Variants in MEGF11 observed in about 807,000 individuals in gnomAD.
The protein encoded by MEGF11 is multiple EGF like domains 11, also known as multiple epidermal growth factor-like domains protein 11.
MEGF11 carries 126 observed loss-of-function variants against 146.6 expected under a neutral mutation model. The ratio of observed to expected loss-of-function variants is 0.86; its 90% CI spans 0.74 to 1.00. The LOEUF is 1.00. Among genes scored for constraint, MEGF11 ranks in the 50% least tolerant of loss-of-function variants. The pLI is 0.00. For missense variants in MEGF11, 1,509 were observed against 1,521.2 expected, an observed-to-expected ratio of 0.99 and a Z score of 0.13; for synonymous variants, 532 against 583.4, an observed-to-expected ratio of 0.91 and a Z score of 1.27.
In MEGF11 at chr15:66,094,414, C is replaced by T. The variant is rs151330198; in HGVS notation, c.382G>A (p.Asp128Asn). The change falls in exon 5 of 26, where the codon GAC becomes AAC. Residue 128 changes from aspartate (D) to asparagine (N), a missense_variant. Transcript: ENST00000395614. Reference protein sequence around the residue: ...CHCEPGWGGPDCSSGCDSDHW... With the variant: ...CHCEPGWGGPNCSSGCDSDHW... ...ACCCCAGACTCACCGCTGGAGCAGT[C>T]GGGCCCTCCCCAGCCAGGCTCGCAG... The T allele has an allele frequency of 2.8e-5, 44 of 1,558,262 alleles. No homozygotes were observed. The highest frequency in any genetic ancestry group is 5.4e-5 in the African/African-American group (4 of 73,490).
intron 5 of MEGF11, among the ~76,000 whole-genome samples, chr15:66,035,161 C>T (rs1191645996): frequency 6.6e-6 from 1 of 152,124 alleles, no homozygotes; most frequent in Non-Finnish European, 1.5e-5. Context: ...AGCTGAGGTA[C>T]CCAGAGTATG....
intron 5 of MEGF11, among the ~76,000 whole-genome samples, chr15:66,093,461 C>T (rs1252411063): frequency 6.6e-6 from 1 of 152,122 alleles, no homozygotes; most frequent in East Asian, 1.9e-4. Context: ...CCAAGATGGG[C>T]GAATAATCGG....
rs1330612650 is a variant in MEGF11 at position 66,018,630 on chromosome 15, A to T, written c.395-36142T>A. ...GTGCAAGCTGGTGAGCGCATGTGTG[A>T]GTGTGTGCGAGCGGGTGCCTGCCTA... On this transcript the variant is annotated intron_variant, in intron 5 of 25. Coordinates refer to ENST00000395614, the MANE Select transcript of MEGF11 (RefSeq NM_001385028.1). 3.3e-5 allele frequency among the ~76,000 whole-genome samples: 5 copies of T among 151,940 alleles called. No homozygotes were observed. In the East Asian group the frequency reaches 7.8e-4, roughly 24 times the overall value.
At chr15:65,917,406 T>TCC (rs2079036859) in intron 16 of MEGF11, among the ~76,000 whole-genome samples, 1 of 152,104 alleles carries the variant, frequency 6.6e-6, no homozygotes, top group African/African-American at 2.4e-5. Context: ...CCCTCAGCCA[T>TCC]CTAACTAGGA....
At chr15:65,977,477 C>CTTT (rs1180788795) in intron 7 of MEGF11, among the ~76,000 whole-genome samples, 7 of 130,356 alleles carry the variant, frequency 5.4e-5, no homozygotes, top group African/African-American at 8.5e-5. Context: ...CTCTCTCCCT[C>CTTT]TTTTTTTTTT....
chr15:65,937,316 T>C (rs1467950891), intron 10 of MEGF11, among the ~76,000 whole-genome samples: 1 of 152,212 alleles, frequency 6.6e-6, no homozygotes, highest in Non-Finnish European at 1.5e-5. Context: ...TGGCATGTCA[T>C]GTGCTTTGCT....
intron 5 of MEGF11, among the ~76,000 whole-genome samples, chr15:66,028,960 TTAGA>T (rs2083426798): frequency 6.6e-6 from 1 of 152,174 alleles, no homozygotes; most frequent in Non-Finnish European, 1.5e-5. Flanking sequence ...AATGCAAAAG[TTAGA>T]TAGCCAAATA....
intron 1 of MEGF11, among the ~76,000 whole-genome samples, chr15:66,196,398 G>A (rs910811350): frequency 6.6e-6 from 1 of 152,210 alleles, no homozygotes; most frequent in Non-Finnish European, 1.5e-5. Flanking sequence ...CTTGAACCCA[G>A]GAGGTAGAGG....
chr15:66,169,965 A>G (rs752400993), intron 1 of MEGF11, among the ~76,000 whole-genome samples: 46 of 152,160 alleles, frequency 3.0e-4, no homozygotes, highest in Non-Finnish European at 6.0e-4. Flanking sequence ...GTCCTTCTGC[A>G]CAATTTATTT....
At chr15:66,204,300 A>G (rs1430582487) in intron 1 of MEGF11, among the ~76,000 whole-genome samples, 1 of 151,504 alleles carries the variant, frequency 6.6e-6, no homozygotes, top group Admixed American at 6.6e-5. Flanking sequence ...TACTCAGAAG[A>G]CTGAGGTGAA....
intron 19 of MEGF11, chr15:65,914,193 G>T (rs576760549): frequency 6.8e-5 from 39 of 569,880 alleles, no homozygotes; most frequent in African/African-American, 3.2e-4. Flanking sequence ...AATTGTGACT[G>T]TCGATGTGAA....
chr15:66,047,740 G>C (rs1205160126), intron 5 of MEGF11, among the ~76,000 whole-genome samples: 1 of 152,214 alleles, frequency 6.6e-6, no homozygotes, highest in Non-Finnish European at 1.5e-5. Flanking sequence ...GTGGGCCTGG[G>C]GGAGTCTGGG....
chr15:66,153,573 A>AAAAAAG (rs142421151), intron 1 of MEGF11, among the ~76,000 whole-genome samples: 3 of 151,402 alleles, frequency 2.0e-5, no homozygotes, highest in African/African-American at 7.3e-5. Flanking sequence ...ACTCCATCTC[A>AAAAAAG]AAAAAGAAAA....
intron 5 of MEGF11, among the ~76,000 whole-genome samples, chr15:66,010,618 C>G (rs2082681595): frequency 6.6e-6 from 1 of 152,178 alleles, no homozygotes; most frequent in African/African-American, 2.4e-5. Context: ...CAGGGTTTGT[C>G]ACAAGTGATT....
intron 5 of MEGF11, among the ~76,000 whole-genome samples, chr15:65,992,426 C>T (rs1356758184): frequency 7.8e-6 from 1 of 128,746 alleles, no homozygotes; most frequent in African/African-American, 3.0e-5. Flanking sequence ...CAAACAACCC[C>T]GTTTGTGCCT....
At chr15:66,060,496 C>T (rs1170773734) in intron 5 of MEGF11, among the ~76,000 whole-genome samples, 1 of 152,236 alleles carries the variant, frequency 6.6e-6, no homozygotes. Context: ...GCAGAAGCCT[C>T]CGAGGGATGT....
chr15:66,252,505 G>T (rs1022117972), intron 1 of MEGF11, among the ~76,000 whole-genome samples: 39 of 152,096 alleles, frequency 2.6e-4, no homozygotes, highest in Admixed American at 9.8e-4. Flanking sequence ...CTCGCAGCGC[G>T]GGCTGCGGGG....
chr15:66,097,662 G>A (rs1483825386), intron 4 of MEGF11, among the ~76,000 whole-genome samples: 2 of 150,258 alleles, frequency 1.3e-5, no homozygotes, highest in East Asian at 2.0e-4. Context: ...CAAGAAATAT[G>A]AACTGCACTC....
At chr15:65,946,185 C>A (rs1389892121) in intron 10 of MEGF11, among the ~76,000 whole-genome samples, 1 of 152,182 alleles carries the variant, frequency 6.6e-6, no homozygotes, top group East Asian at 1.9e-4. Context: ...TATGATTTAC[C>A]TACTCTGTGC....
Sources: allele counts gnomAD v4.1 joint callset (sites outside exome capture counted in the v4.1 genomes callset), GRCh38; gene constraint gnomAD v4.1.1; transcripts MANE v1.5; gene names NCBI Gene and HGNC (gene_info 2026-07-23, HGNC 2026-07-21).